Variants in NCOA7 observed in about 807,000 individuals in gnomAD.
NCOA7 encodes the protein 140 kDa estrogen receptor-associated protein.
NCOA7 carries 45 observed loss-of-function variants against 104.3 expected under a neutral mutation model. The ratio of observed to expected loss-of-function variants is 0.43; its 90% CI spans 0.34 to 0.55. NCOA7 has a LOEUF of 0.55. Ranked by LOEUF, NCOA7 falls within the 20% of genes least tolerant of loss-of-function variation. The pLI is 0.02. For synonymous variants in NCOA7, 398 were observed against 402.3 expected, an observed-to-expected ratio of 0.99 and a Z score of 0.13; for missense variants, 1,041 against 1,119.7, an observed-to-expected ratio of 0.93 and a Z score of 1.00.
intron 3 of NCOA7, among the ~76,000 whole-genome samples, chr6:125,856,810 A>C (rs906160574): frequency 1.1e-4 from 16 of 152,192 alleles, no homozygotes; most frequent in Admixed American, 6.5e-5. Flanking sequence ...TGGCCTTGTA[A>C]CAGAGTAATG....
chr6:125,877,156 G>A (rs1281331161), intron 4 of NCOA7, among the ~76,000 whole-genome samples: 1 of 152,086 alleles, frequency 6.6e-6, no homozygotes, highest in Non-Finnish European at 1.5e-5. Context: ...ATCCTAACTT[G>A]TTCCAGAAGG....
At chr6:125,841,417 A>G (rs370562723) in intron 2 of NCOA7, among the ~76,000 whole-genome samples, 20 of 152,266 alleles carry the variant, frequency 1.3e-4, no homozygotes, top group African/African-American at 4.8e-4. Context: ...CTCAGAATGT[A>G]TCCCTGTCGT....
chr6:125,795,928 C>A lies in NCOA7; in HGVS notation c.-65+4861C>A, dbSNP rs564429339. 3.3e-3 allele frequency among the ~76,000 whole-genome samples: 496 copies of A among 152,270 alleles called. 2 individuals carry two copies. The highest frequency in any genetic ancestry group is 6.8e-3 in the Middle Eastern group (2 of 294). On this transcript the variant is annotated intron_variant, in intron 1 of 15. Coordinates refer to ENST00000392477, the MANE Select transcript of NCOA7 (RefSeq NM_181782.5). ...CCAACATATCCTTGTTTGTGGACCC[C>A]CAAGTTAAACATTTGTGTTTTAGTA...
intron 2 of NCOA7, among the ~76,000 whole-genome samples, chr6:125,836,227 G>T (rs1156505351): frequency 6.6e-6 from 1 of 152,142 alleles, no homozygotes; most frequent in Non-Finnish European, 1.5e-5. Flanking sequence ...TATGAATAAA[G>T]AGCACTTTAA....
intron 2 of NCOA7, among the ~76,000 whole-genome samples, chr6:125,838,618 C>T (rs1335679515): frequency 3.9e-5 from 6 of 152,050 alleles, no homozygotes; most frequent in Non-Finnish European, 8.8e-5. Context: ...TCTGGTTCTC[C>T]AACACCAGTT....
At chr6:125,886,076 AAAAAACTT>A in intron 8 of NCOA7, among the ~76,000 whole-genome samples, 1 of 152,296 alleles carries the variant, frequency 6.6e-6, no homozygotes, top group Middle Eastern at 3.4e-3. Context: ...AGCCAGCAGT[AAAAAACTT>A]TAAAAACCTT....
At chr6:125,923,183 G>T (rs893331969) in intron 13 of NCOA7, among the ~76,000 whole-genome samples, 1 of 152,194 alleles carries the variant, frequency 6.6e-6, no homozygotes, top group Non-Finnish European at 1.5e-5. Flanking sequence ...GTGAGATCTG[G>T]ATTTGGAAAC....
At chr6:125,824,143 A>G (rs140445790) in intron 2 of NCOA7, among the ~76,000 whole-genome samples, 42 of 152,308 alleles carry the variant, frequency 2.8e-4, no homozygotes, top group African/African-American at 9.4e-4. Flanking sequence ...CTGTCCATAA[A>G]GTGCCTGTTC....
intron 11 of NCOA7, chr6:125,919,149 GTGTT>G: frequency 4.0e-6 from 5 of 1,240,178 alleles, no homozygotes; most frequent in Non-Finnish European, 5.5e-6. Flanking sequence ...GGCAGGAAGT[GTGTT>G]TGCTCTAAAT....
At chr6:125,911,913 G>C (rs1330020875) in intron 10 of NCOA7, among the ~76,000 whole-genome samples, 1 of 152,092 alleles carries the variant, frequency 6.6e-6, no homozygotes, top group African/African-American at 2.4e-5. Flanking sequence ...TCTCCCCCAC[G>C]TTAGTAAATC....
intron 1 of NCOA7, among the ~76,000 whole-genome samples, chr6:125,813,811 A>G (rs1777309029): frequency 6.6e-6 from 1 of 152,160 alleles, no homozygotes; most frequent in Non-Finnish European, 1.5e-5. Flanking sequence ...TGGGCCTTGC[A>G]TAGTGTTAAG....
chr6:125,797,553 T>G (rs1775455060), intron 1 of NCOA7, among the ~76,000 whole-genome samples: 1 of 152,230 alleles, frequency 6.6e-6, no homozygotes, highest in African/African-American at 2.4e-5. Flanking sequence ...ATGTTTCTTC[T>G]GTGATTCTGG....
intron 3 of NCOA7, among the ~76,000 whole-genome samples, chr6:125,861,831 G>C (rs1782073703): frequency 6.6e-6 from 1 of 152,110 alleles, no homozygotes; most frequent in Admixed American, 6.5e-5. Context: ...GAGTTCAGGA[G>C]TTCGAGACCA....
intron 12 of NCOA7, among the ~76,000 whole-genome samples, chr6:125,921,653 C>T (rs773643695): frequency 2.0e-4 from 30 of 152,102 alleles, no homozygotes; most frequent in South Asian, 6.2e-4. Flanking sequence ...AAATTTTAAG[C>T]GTCCTACCAT....
chr6:125,882,726 G>A (rs1783945316), intron 7 of NCOA7, 175 bp downstream of exon 7: 1 of 653,904 alleles, frequency 1.5e-6, no homozygotes. Context: ...ACTTACTGAG[G>A]TAAATGTTGT....
intron 1 of NCOA7, among the ~76,000 whole-genome samples, chr6:125,785,029 T>C (rs932466026): frequency 5.3e-5 from 8 of 150,558 alleles, no homozygotes; most frequent in African/African-American, 2.0e-4. Context: ...CAAACATGCA[T>C]GAATGTACAT....
chr6:125,839,110 T>TTTTG (rs375545482), intron 2 of NCOA7, among the ~76,000 whole-genome samples: 8 of 152,002 alleles, frequency 5.3e-5, no homozygotes, highest in African/African-American at 7.2e-5. Flanking sequence ...CCTTGGTGAT[T>TTTTG]TTTGTTTGTT....
Position 125,889,815 on chromosome 6 carries a change from G to A in NCOA7, c.1761G>A (p.Glu587=), listed in dbSNP as rs1030409983. ...ATAAGACCTGGGTGAAAAAGGGAGAGCCCCTCCCGGTAAAACTGAACTCTT... is the reference window on the plus strand; with the variant it reads ...ATAAGACCTGGGTGAAAAAGGGAGAACCCCTCCCGGTAAAACTGAACTCTT... ...EPDKTWVKKG[E]PLPVKLNSST... The change falls in exon 9 of 16, where the codon GAG becomes GAA. Residue 587 remains glutamate, a synonymous_variant. Transcript: ENST00000392477. 4 of 1,613,062 alleles carry A rather than the reference G, an allele frequency of 2.5e-6. No homozygotes were observed. The African/African-American group carries it at 4.0e-5, about 16-fold the overall frequency.
intron 3 of NCOA7, 91 bp from the exon 4 acceptor site, chr6:125,874,798 A>T: frequency 1.1e-6 from 1 of 908,754 alleles, no homozygotes; most frequent in Admixed American, 2.1e-5. Flanking sequence ...TTGTCAGTTG[A>T]TTTGAAAGTG....
Sources: gnomAD v4.1 joint callset for allele counts (sites outside exome capture counted in the v4.1 genomes callset) on GRCh38, gnomAD v4.1.1 for gene constraint, MANE v1.5 for transcripts, NCBI Gene and HGNC (gene_info 2026-07-23, HGNC 2026-07-21) for gene names.